The following NBEAL2 variants were observed in gnomAD, a reference collection of about 807,000 sequenced individuals.
NBEAL2 encodes neurobeachin-like protein 2.
NBEAL2 carries 160 observed loss-of-function variants against 299.8 expected under a neutral mutation model. That is an observed-to-expected ratio of 0.53 (90% CI 0.47 to 0.61). The LOEUF is 0.61. NBEAL2 is among the 20% of genes least tolerant of loss of function. NBEAL2 has a pLI of 0.00. For missense variants in NBEAL2, 3,112 were observed against 3,649.0 expected, an observed-to-expected ratio of 0.85 and a Z score of 3.79; for synonymous variants, 1,493 against 1,542.3, an observed-to-expected ratio of 0.97 and a Z score of 0.75.
Position 46,991,751 on chromosome 3 carries a change from T to C in NBEAL2, c.925+63T>C. Reference sequence around the variant, plus strand: ...CATGAGGGAAAAGCCTAAGTGATGATGGAAGGTCTGGATAGGGCAGCATAG... The same window carrying C: ...CATGAGGGAAAAGCCTAAGTGATGACGGAAGGTCTGGATAGGGCAGCATAG... On this transcript the variant is annotated intron_variant, in intron 8 of 53. Transcript: ENST00000450053. The surrounding 1 kb of genome is among the most constrained non-coding windows in gnomAD (Gnocchi z 6.2). The C allele has an allele frequency of 6.4e-7, 1 of 1,565,384 alleles. No individual in the cohort carries two copies. The highest frequency in any genetic ancestry group is 2.4e-5 in the East Asian group (1 of 42,308).
chr3:46,999,719 A>C lies in NBEAL2; in HGVS notation c.3789+4A>C, dbSNP rs768165695. 1.3e-5 allele frequency: 21 copies of C among 1,612,606 alleles called. No homozygotes were observed. Among genetic ancestry groups the C allele is most frequent in the Middle Eastern group, 1.6e-4 (1 of 6,076 alleles). ...TCGCCTAGACATCTGTCGCCAGGTG[A>C]GCATGAGAGGTAAAAGCTTTGGGGG... On this transcript the variant is annotated splice_donor_region_variant and intron_variant, in intron 26 of 53. Transcript: ENST00000450053.
chr3:46,986,901 G>C (rs1485123928), intron 1 of NBEAL2, among the ~76,000 whole-genome samples: 1 of 151,922 alleles, frequency 6.6e-6, no homozygotes, highest in Non-Finnish European at 1.5e-5. Flanking sequence ...CACCTCTGCT[G>C]TCTCAGGATC....
At position 47,001,241 on chromosome 3, in the gene NBEAL2, A is replaced by G. The variant is rs768108835; in HGVS notation, c.4485-38A>G. ...AAGCCTCGGGGGAAGGAGAGAAGATAGTCAGGTAGACCCTTGAGTTCCCCA... is the reference window on the plus strand; with the variant it reads ...AAGCCTCGGGGGAAGGAGAGAAGATGGTCAGGTAGACCCTTGAGTTCCCCA... On this transcript the variant is annotated intron_variant, in intron 28 of 53. Coordinates refer to ENST00000450053, the MANE Select transcript of NBEAL2 (RefSeq NM_015175.3). The surrounding 1 kb of genome is among the most constrained non-coding windows in gnomAD (Gnocchi z 6.1). The G allele has an allele frequency of 5.0e-6, 8 of 1,599,384 alleles. No homozygotes were observed. The Admixed American group carries it at 1.4e-4, about 27-fold the overall frequency.
At chr3:46,987,865 G>A (rs906809105) in intron 1 of NBEAL2, 1 of 365,826 alleles carries the variant, frequency 2.7e-6, no homozygotes, top group Non-Finnish European at 3.8e-6. Flanking sequence ...CTCTCTCACT[G>A]GGGCCCAGGG....
rs762033848 is a variant in NBEAL2, at chr3:46,996,032, G to A, written c.2132G>A (p.Arg711His). The change falls in exon 15 of 54, where the codon CGC (arginine) becomes CAC (histidine). Residue 711 changes from arginine to histidine, a missense_variant. Physicochemically the swap from Arg to His is conservative, Grantham distance 29. Coordinates refer to ENST00000450053, the MANE Select transcript of NBEAL2 (RefSeq NM_015175.3). ...CATCTGGTCAAGACAGCACCCCTTC[G>A]CTGCCCCTCCCTCAGTGAGGTGTGC... ...DGHLVKTAPL[R>H]CPSLSEPFSS... The A allele has an allele frequency of 5.0e-5, 81 of 1,609,150 alleles. No individual in the cohort carries two copies. The highest frequency in any genetic ancestry group is 6.0e-5 in the Non-Finnish European group (71 of 1,177,996).
chr3:46,983,344 C>CTT (rs980323499), intron 1 of NBEAL2, among the ~76,000 whole-genome samples: 2 of 141,614 alleles, frequency 1.4e-5, no homozygotes, highest in African/African-American at 5.3e-5. Flanking sequence ...GAGTCTCACT[C>CTT]TGTCACCCAG....
rs2107394489 is a variant in NBEAL2, at chr3:47,001,070, G to A, written c.4375G>A (p.Glu1459Lys). The A allele has an allele frequency of 1.2e-6, 2 of 1,612,600 alleles. No homozygotes were observed. The highest frequency in any genetic ancestry group is 2.7e-5 in the African/African-American group (2 of 74,988). The stretch of plus-strand genomic sequence containing the variant: ...GTTCTCGGTGACGTGGCGTGGCGTG[G>A]AAGGCAGCGATGAGGCTGCCTGGCG... ...VLFSVTWRGVEGSDEAAWRER... is the reference protein window; with the variant it reads ...VLFSVTWRGVKGSDEAAWRER... The change falls in exon 28 of 54, where the codon GAA becomes AAA. Residue 1459 changes from glutamate (E) to lysine (K), a missense_variant. Glu to Lys is a moderately conservative substitution (Grantham distance 56, BLOSUM62 1). Around this residue, in one of 3 missense-constraint regions of NBEAL2, gnomAD observed 2,243 missense variants for 2,538.1 expected, o/e 0.88. Transcript: ENST00000450053. This position sits in a 1 kb window ranked among gnomAD's most constrained non-coding sequence, Gnocchi z 6.1.
Position 46,989,551 on chromosome 3 carries a change from C to A in NBEAL2, c.514C>A (p.Pro172Thr). The change falls in exon 6 of 54, where the codon CCT becomes ACT. Residue 172 changes from proline to threonine, a missense_variant. By Grantham distance (38) the Pro-to-Thr change is conservative (BLOSUM62 -1). Transcript: ENST00000450053. The surrounding 1 kb of genome is among the most constrained non-coding windows in gnomAD (Gnocchi z 5.5). Reference protein sequence around the residue: ...SSKEKSKYKFPPAALPQEFSA... With the variant: ...SSKEKSKYKFTPAALPQEFSA... Reference sequence around the variant, plus strand: ...CAAGGAGAAGAGCAAATACAAGTTCCCTCCTGCTGCTTTGCCCCAGGAATT... The same window carrying A: ...CAAGGAGAAGAGCAAATACAAGTTCACTCCTGCTGCTTTGCCCCAGGAATT... 6.3e-7 allele frequency: 1 copy of A among 1,598,228 alleles called. No individual in the cohort carries two copies. The highest frequency in any genetic ancestry group is 2.3e-5 in the East Asian group (1 of 44,118).
intron 18 of NBEAL2, 78 bp downstream of exon 18, chr3:46,997,124 C>G: frequency 1.1e-5 from 17 of 1,550,194 alleles, no homozygotes. Context: ...AGCTGGGGAG[C>G]AGCGCTGTGC....
Position 47,000,270 on chromosome 3 carries a change from C to G in NBEAL2, c.4171C>G (p.Pro1391Ala), listed in dbSNP as rs1559606797. Reference sequence around the variant, plus strand: ...AGCCAGCCAGCCCGGCACTCCTTCGCCACTGGATGGGCCGCGGCCCTTTCC... The same window carrying G: ...AGCCAGCCAGCCCGGCACTCCTTCGGCACTGGATGGGCCGCGGCCCTTTCC... ...TPASQPGTPS[P>A]LDGPRPFPAA... Residue 1391 changes from proline to alanine, a missense_variant, in exon 27 of 54, where the codon CCA becomes GCA. By Grantham distance (27) the Pro-to-Ala change is conservative (BLOSUM62 -1). This residue lies in a region of NBEAL2 where 2,243 missense variants were observed against 2,538.1 expected (regional missense o/e 0.88). Transcript: ENST00000450053. This position sits in a 1 kb window ranked among gnomAD's most constrained non-coding sequence, Gnocchi z 4.5. The G allele has an allele frequency of 6.2e-7, 1 of 1,613,070 alleles. No individual in the cohort carries two copies. Among genetic ancestry groups the G allele is most frequent in the East Asian group, 2.2e-5 (1 of 44,890 alleles).
At chr3:46,998,620 C>G (rs1443702133) in intron 22 of NBEAL2, 55 bp downstream of exon 22, 1 of 1,577,798 alleles carries the variant, frequency 6.3e-7, no homozygotes, top group Admixed American at 1.9e-5. Context: ...GGCCTCCGGC[C>G]TTGGGGACTG....
chr3:47,004,885 CCCG>C lies in NBEAL2; in HGVS notation c.6295-84_6295-82del. ...CCCCAACCTGTGGGCAGGCTCTGTG[CCCG>C]CCTTCTTGAGGGTGTGGGCAGGGCA... is the stretch of plus-strand genomic sequence containing the variant. On this transcript the variant is annotated intron_variant, in intron 38 of 53. Transcript: ENST00000450053. This position sits in a 1 kb window ranked among gnomAD's most constrained non-coding sequence, Gnocchi z 5.0. 1 of 1,534,976 alleles carries C rather than the reference CCCG, an allele frequency of 6.5e-7. No homozygotes were observed. The highest frequency in any genetic ancestry group is 2.4e-5 in the East Asian group (1 of 40,936).
At chr3:46,981,063 G>C (rs1477094233) in intron 1 of NBEAL2, among the ~76,000 whole-genome samples, 1 of 152,226 alleles carries the variant, frequency 6.6e-6, no homozygotes, top group African/African-American at 2.4e-5. Context: ...CCAGGCCCCA[G>C]CAGGAGGCCA....
rs1196204845 is a variant in NBEAL2 at position 46,989,413 on chromosome 3, A to G, written c.473+32A>G. 17 of 1,568,536 alleles carry G rather than the reference A, an allele frequency of 1.1e-5. No homozygotes were observed. Among genetic ancestry groups the G allele is most frequent in the East Asian group, 2.4e-5 (1 of 42,204 alleles). ...CCCAGCCCACAGGAAGGGAACCCAGAGGAGGGTGGGGAGAGGATGGCCGCG... is the reference window on the plus strand; with the variant it reads ...CCCAGCCCACAGGAAGGGAACCCAGGGGAGGGTGGGGAGAGGATGGCCGCG... On this transcript the variant is annotated intron_variant, in intron 5 of 53. Coordinates refer to ENST00000450053, the MANE Select transcript of NBEAL2 (RefSeq NM_015175.3). The surrounding 1 kb of genome is among the most constrained non-coding windows in gnomAD (Gnocchi z 5.5).
intron 51 of NBEAL2, 27 bp from the exon 52 acceptor site, chr3:47,008,493 C>T: frequency 1.2e-6 from 2 of 1,610,868 alleles, no homozygotes; most frequent in Non-Finnish European, 1.7e-6. Context: ...GGATCCTGTC[C>T]TTGCTGACAC....
intron 1 of NBEAL2, chr3:46,987,880 C>T (rs955738908): frequency 1.9e-6 from 1 of 537,216 alleles, no homozygotes; most frequent in African/African-American, 2.1e-5. Context: ...CCAGGGTGCC[C>T]CGGCCCCCCC....
In NBEAL2 at chr3:46,998,717, C is replaced by G. The variant is rs1304282291; in HGVS notation, c.3222C>G (p.Ser1074Arg). 6.4e-7 allele frequency: 1 copy of G among 1,573,492 alleles called. No individual in the cohort carries two copies. The highest frequency in any genetic ancestry group is 1.8e-5 in the Admixed American group (1 of 55,186). Residue 1074 changes from serine (S) to arginine (R), a missense_variant and splice_region_variant, in exon 23 of 54, where the codon AGC becomes AGG. Ser to Arg is a moderately radical substitution (Grantham distance 110, BLOSUM62 -1). This residue lies in a region of NBEAL2 where 2,243 missense variants were observed against 2,538.1 expected (regional missense o/e 0.88). Transcript: ENST00000450053. ...CTGGGTGTGCCTACTGACCTGCCAGCCCGCAGCGGGAGCGCCCCCTGGCTG... is the reference window on the plus strand; with the variant it reads ...CTGGGTGTGCCTACTGACCTGCCAGGCCGCAGCGGGAGCGCCCCCTGGCTG... ...FILDALRTHY[S>R]PQRERPLAAD...
Position 46,997,376 on chromosome 3 carries a change from G to C in NBEAL2, c.2767G>C (p.Glu923Gln), listed in dbSNP as rs1343699124. ...PAETHDLVGP[E>Q]LTSGHNTQGL... Reference sequence around the variant, plus strand: ...TGAAACGCATGACCTCGTGGGTCCTGAACTGACCTCTGGTCACAACACCCA... The same window carrying C: ...TGAAACGCATGACCTCGTGGGTCCTCAACTGACCTCTGGTCACAACACCCA... The change falls in exon 19 of 54, where the codon GAA (glutamate) becomes CAA (glutamine). Residue 923 changes from glutamate to glutamine, a missense_variant. Around this residue, in one of 3 missense-constraint regions of NBEAL2, gnomAD observed 2,243 missense variants for 2,538.1 expected, o/e 0.88. Coordinates refer to ENST00000450053, the MANE Select transcript of NBEAL2 (RefSeq NM_015175.3). The C allele has an allele frequency of 1.9e-6, 3 of 1,611,936 alleles. No homozygotes were observed. In the East Asian group the frequency reaches 6.7e-5, roughly 36 times the overall value.
chr3:46,998,508 A>T lies in NBEAL2; in HGVS notation c.3164A>T (p.Lys1055Met), dbSNP rs756557040. Residue 1055 changes from lysine to methionine, a missense_variant, in exon 22 of 54, where the codon AAG becomes ATG. Around this residue, in one of 3 missense-constraint regions of NBEAL2, gnomAD observed 2,243 missense variants for 2,538.1 expected, o/e 0.88. Coordinates refer to ENST00000450053, the MANE Select transcript of NBEAL2 (RefSeq NM_015175.3). ...MSSIVREHRQ[K>M]LRKKYGVQFI... ...AGCATAGTTCGGGAGCACAGACAGA[A>T]GCTGCGGAAGAAGTACGGCGTCCAG... is the stretch of plus-strand genomic sequence containing the variant. 6.2e-7 allele frequency: 1 copy of T among 1,613,486 alleles called. No homozygotes were observed.
Sources: gnomAD v4.1 joint callset for allele counts (sites outside exome capture counted in the v4.1 genomes callset) on GRCh38, gnomAD v4.1.1 for gene constraint, gnomAD v4.1.1 regional missense constraint, Gnocchi (gnomAD v3.1) non-coding constraint, MANE v1.5 for transcripts, NCBI Gene and HGNC (gene_info 2026-07-23, HGNC 2026-07-21) for gene names.